SRGAP2: variants seen among roughly 807,000 people sequenced by gnomAD.
SRGAP2 encodes the protein SLIT-ROBO Rho GTPase-activating protein 2.
In SRGAP2, 15 loss-of-function variants were observed where a neutral mutation model predicts 57.2. The observed-to-expected ratio is 0.26, with a 90% CI of 0.18 to 0.40. SRGAP2 has a LOEUF of 0.40. Among genes scored for constraint, SRGAP2 ranks in the 10% least tolerant of loss-of-function variants. The probability of loss-of-function intolerance (pLI) is 1.00; values close to 1 mark genes in which losing one functional copy is unlikely to be tolerated. For missense variants in SRGAP2, 520 were observed against 669.6 expected (o/e 0.78, Z 2.47); for synonymous variants, 249 against 248.0 (o/e 1.00, Z -0.04).
intron 11 of SRGAP2, among the ~76,000 whole-genome samples, chr1:206,418,888 CTGTGTGTGTGTGTGTGTGTG>C (rs1159940831): frequency 1.2e-4 from 16 of 136,644 alleles, no homozygotes; most frequent in South Asian, 2.5e-4. Context: ...CCAACTCTCT[CTGTGTGTGTGTGTGTGTGTG>C]TGTGTGTGTG....
chr1:206,399,504 ATAAT>A (rs1296344292), intron 7 of SRGAP2, among the ~76,000 whole-genome samples: 17 of 152,096 alleles, frequency 1.1e-4, no homozygotes, highest in African/African-American at 3.9e-4. Context: ...GGAAAGTGCC[ATAAT>A]TAAAGTCACA....
At chr1:206,429,514 A>C (rs1250181857) in intron 13 of SRGAP2, among the ~76,000 whole-genome samples, 14 of 152,208 alleles carry the variant, frequency 9.2e-5, no homozygotes, top group Admixed American at 9.2e-4. Context: ...GGTTGAGGAG[A>C]ACATACCCCC....
chr1:206,436,313 CCT>C (rs1348600212), intron 14 of SRGAP2, among the ~76,000 whole-genome samples: 6 of 151,990 alleles, frequency 3.9e-5, no homozygotes. Flanking sequence ...TTATGAAACT[CCT>C]CTGATGAGAA....
At chr1:206,307,971 C>T (rs1173650251) in intron 3 of SRGAP2, among the ~76,000 whole-genome samples, 1 of 151,974 alleles carries the variant, frequency 6.6e-6, no homozygotes, top group Non-Finnish European at 1.5e-5. Context: ...GGGGAGGTGC[C>T]GAGAGCAAGC....
chr1:206,381,298 C>A (rs1655694429), intron 4 of SRGAP2, among the ~76,000 whole-genome samples: 1 of 149,364 alleles, frequency 6.7e-6, no homozygotes, highest in South Asian at 2.2e-4. Flanking sequence ...TCTCCTTTAA[C>A]CTCTGCCATT....
At chr1:206,261,921 T>C in intron 2 of SRGAP2, among the ~76,000 whole-genome samples, 1 of 151,624 alleles carries the variant, frequency 6.6e-6, no homozygotes, top group East Asian at 1.9e-4. Context: ...ATTATCTCAT[T>C]CTTCCCCACC....
At chr1:206,420,960 C>A (rs77976200) in intron 12 of SRGAP2, among the ~76,000 whole-genome samples, 1,898 of 152,268 alleles carry the variant, frequency 0.012, 53 homozygotes, top group African/African-American at 0.043. Context: ...CTCTCCTATT[C>A]TAATTTTGAG....
At chr1:206,285,915 C>T (rs1424395633) in intron 2 of SRGAP2, among the ~76,000 whole-genome samples, 1 of 152,154 alleles carries the variant, frequency 6.6e-6, no homozygotes, top group East Asian at 1.9e-4. Flanking sequence ...ATCTGCCTGC[C>T]TCAGCCTCCC....
chr1:206,460,897 G>C (rs1375944839), intron 22 of SRGAP2, 140 bp from the exon 23 acceptor site: 1 of 497,408 alleles, frequency 2.0e-6, no homozygotes, highest in African/African-American at 1.9e-5. Context: ...GCATTCATAT[G>C]TTCAAAGATT....
At chr1:206,353,472 C>A (rs1285181956) in intron 4 of SRGAP2, among the ~76,000 whole-genome samples, 1 of 151,786 alleles carries the variant, frequency 6.6e-6, no homozygotes, top group African/African-American at 2.4e-5. Flanking sequence ...CATGGTGAAA[C>A]CCCGTCTCTA....
intron 2 of SRGAP2, among the ~76,000 whole-genome samples, chr1:206,283,501 C>G (rs1490283467): frequency 3.3e-5 from 5 of 151,022 alleles, no homozygotes; most frequent in Non-Finnish European, 1.5e-5. Context: ...TGGTGTAACC[C>G]CATCTCTACT....
At chr1:206,422,543 G>C (rs1436192139) in intron 13 of SRGAP2, among the ~76,000 whole-genome samples, 1 of 152,152 alleles carries the variant, frequency 6.6e-6, no homozygotes, top group Non-Finnish European at 1.5e-5. Flanking sequence ...CTTGCAGAGG[G>C]AGCAAGCCAT....
At chr1:206,351,839 C>T (rs1676061876) in intron 4 of SRGAP2, among the ~76,000 whole-genome samples, 1 of 152,166 alleles carries the variant, frequency 6.6e-6, no homozygotes, top group Non-Finnish European at 1.5e-5. Flanking sequence ...TCGGAAGGTG[C>T]AGCTCAAAGG....
At chr1:206,278,797 G>A (rs1670564138) in intron 2 of SRGAP2, among the ~76,000 whole-genome samples, 1 of 147,754 alleles carries the variant, frequency 6.8e-6, no homozygotes, top group Non-Finnish European at 1.5e-5. Flanking sequence ...TCAGGCAGAG[G>A]AAACAGCCAG....
chr1:206,373,741 A>T (rs1262739899), intron 4 of SRGAP2, among the ~76,000 whole-genome samples: 1 of 92,988 alleles, frequency 1.1e-5, no homozygotes, highest in African/African-American at 4.4e-5. Context: ...CTCAAAAAAG[A>T]AGAGAGAGAG....
chr1:206,314,047 G>A (rs1672867185), intron 3 of SRGAP2, among the ~76,000 whole-genome samples: 1 of 151,288 alleles, frequency 6.6e-6, no homozygotes. Context: ...TGACTTGGGT[G>A]ATTGATAAAT....
In SRGAP2 at chr1:206,454,026, C is replaced by T. The variant is rs1238472373; in HGVS notation, c.2360+646C>T. 3.2e-5 allele frequency: 22 copies of T among 677,556 alleles called. No individual in the cohort carries two copies. In the East Asian group the frequency reaches 4.0e-4, roughly 12 times the overall value. 42.0% of individuals were successfully genotyped at this position (677,556 alleles called of 1,614,324 possible). A position where few individuals can be genotyped will look rare whatever the true frequency, so the allele number is the denominator to read the frequency against. ...TTCTCACACTTTGAAGCAGTTGTCC[C>T]GTGGGCCCACCCAAGCCTGCCCCCT... is the stretch of plus-strand genomic sequence containing the variant. On this transcript the variant is annotated intron_variant, in intron 20 of 22. Transcript: ENST00000573034. This position sits in a 1 kb window ranked among gnomAD's most constrained non-coding sequence, Gnocchi z 4.3.
At chr1:206,446,393 C>T in intron 18 of SRGAP2, 94 bp downstream of exon 18, 1 of 730,994 alleles carries the variant, frequency 1.4e-6, no homozygotes, top group East Asian at 2.5e-5. Context: ...GGGAAACACC[C>T]AGATCCTCCC....
chr1:206,237,304 A>G (rs1295550787), intron 2 of SRGAP2, among the ~76,000 whole-genome samples: 6 of 152,178 alleles, frequency 3.9e-5, no homozygotes, highest in Non-Finnish European at 8.8e-5. Context: ...GGGGGAAAAA[A>G]AAGTGAATGT....
Sources: allele counts gnomAD v4.1 joint callset (sites outside exome capture counted in the v4.1 genomes callset), GRCh38; gene constraint gnomAD v4.1.1; non-coding constraint Gnocchi (gnomAD v3.1); transcripts MANE v1.5; gene names NCBI Gene and HGNC (gene_info 2026-07-23, HGNC 2026-07-21).